The following NRG1 variants were observed in gnomAD, a reference collection of about 807,000 sequenced individuals.
NRG1 encodes pro-neuregulin-1, membrane-bound isoform.
Under a neutral mutation model 63.8 loss-of-function variants are expected in NRG1, and 18 were observed. The observed-to-expected ratio is 0.28, with a 90% CI of 0.19 to 0.42. The LOEUF (loss-of-function observed/expected upper bound fraction) is 0.42, where lower values mean the gene tolerates loss of function less well. Ranked by LOEUF, NRG1 falls within the 10% of genes least tolerant of loss-of-function variation. The probability of loss-of-function intolerance (pLI) is 1.00; values close to 1 mark genes in which losing one functional copy is unlikely to be tolerated. For synonymous variants in NRG1, 302 were observed against 301.3 expected (o/e 1.00, Z -0.02); for missense variants, 762 against 814.7 (o/e 0.94, Z 0.79).
At chr8:32,366,157 T>G (rs1248061749) in intron 1 of NRG1, among the ~76,000 whole-genome samples, 1 of 152,198 alleles carries the variant, frequency 6.6e-6, no homozygotes, top group African/African-American at 2.4e-5. Context: ...AAAATTTTTT[T>G]TAGATATCCT....
At chr8:32,427,796 A>G (rs1482521596) in intron 1 of NRG1, among the ~76,000 whole-genome samples, 1 of 152,206 alleles carries the variant, frequency 6.6e-6, no homozygotes, top group Non-Finnish European at 1.5e-5. Context: ...AAATATGCTC[A>G]GTGTCAAGGA....
At position 32,290,570 on chromosome 8, in the gene NRG1, C is replaced by T. The variant is rs77488527; in HGVS notation, c.38-305258C>T. 8.0e-3 allele frequency among the ~76,000 whole-genome samples: 1,210 copies of T among 152,110 alleles called. 14 individuals carry two copies. Among genetic ancestry groups the T allele is most frequent in the African/African-American group, 0.027 (1,130 of 41,496 alleles). On this transcript the variant is annotated intron_variant, in intron 1 of 10. Coordinates refer to the NRG1 transcript ENST00000519301. The stretch of plus-strand genomic sequence containing the variant: ...CTCCTGAATGAGAACTGGGTTCTAA[C>T]GAATGACCCTAACTGTGCCCTGTTA...
chr8:32,268,205 A>G (rs911071638), intron 1 of NRG1, among the ~76,000 whole-genome samples: 23 of 152,286 alleles, frequency 1.5e-4, no homozygotes, highest in Middle Eastern at 3.4e-3. Context: ...TTGAGCCTCA[A>G]ATGAGACTGC....
At chr8:32,550,954 C>G (rs1833990136) in intron 1 of NRG1, among the ~76,000 whole-genome samples, 1 of 152,132 alleles carries the variant, frequency 6.6e-6, no homozygotes, top group Admixed American at 6.5e-5. Context: ...GCATCTTGTG[C>G]TTTTTAAACC....
chr8:31,959,095 T>C (rs1257709472), intron 1 of NRG1, among the ~76,000 whole-genome samples: 1 of 152,204 alleles, frequency 6.6e-6, no homozygotes, highest in African/African-American at 2.4e-5. Context: ...GTGTCTGAAG[T>C]ATCTGGTACA....
intron 1 of NRG1, among the ~76,000 whole-genome samples, chr8:32,072,987 A>AGT (rs1232819819): frequency 7.5e-6 from 1 of 133,770 alleles, no homozygotes; most frequent in Non-Finnish European, 1.6e-5. Context: ...TCCTAAATAT[A>AGT]GTGTCTGGCA....
At chr8:32,019,299 C>T (rs1355604126) in intron 1 of NRG1, among the ~76,000 whole-genome samples, 2 of 152,160 alleles carry the variant, frequency 1.3e-5, no homozygotes, top group Non-Finnish European at 2.9e-5. Context: ...GGGTTTTCAC[C>T]ATGTTAGCCA....
intron 1 of NRG1, among the ~76,000 whole-genome samples, chr8:32,369,082 G>A (rs967810520): frequency 1.3e-5 from 2 of 152,190 alleles, no homozygotes; most frequent in African/African-American, 4.8e-5. Flanking sequence ...AACCGTCAGG[G>A]TTGACAGAGG....
At chr8:31,678,175 A>G (rs1177973700) in intron 1 of NRG1, among the ~76,000 whole-genome samples, 1 of 152,078 alleles carries the variant, frequency 6.6e-6, no homozygotes, top group Admixed American at 6.6e-5. Flanking sequence ...ACAGGGCAGC[A>G]TTTTCTAATA....
chr8:31,666,888 C>T (rs768501827), intron 1 of NRG1, among the ~76,000 whole-genome samples: 3 of 152,190 alleles, frequency 2.0e-5, no homozygotes, highest in African/African-American at 4.8e-5. Context: ...TGGTTTAAAA[C>T]ATTTTAGCAC....
At chr8:32,462,595 CTTTTTTTTTTT>C (rs58485445) in intron 1 of NRG1, among the ~76,000 whole-genome samples, 2 of 72,274 alleles carry the variant, frequency 2.8e-5, no homozygotes, top group Non-Finnish European at 4.9e-5. Context: ...CACACTGATT[CTTTTTTTTTTT>C]TTTTTTTTTT....
At chr8:31,986,297 G>A (rs1247790904) in intron 1 of NRG1, among the ~76,000 whole-genome samples, 1 of 152,002 alleles carries the variant, frequency 6.6e-6, no homozygotes, top group Non-Finnish European at 1.5e-5. Flanking sequence ...GCAGACAAGG[G>A]GAAGAGGAAG....
intron 1 of NRG1, among the ~76,000 whole-genome samples, chr8:31,979,680 C>T (rs1157156363): frequency 6.6e-6 from 1 of 152,032 alleles, no homozygotes; most frequent in Non-Finnish European, 1.5e-5. Flanking sequence ...TTTTAAGCAC[C>T]TTGAGGACAA....
At chr8:32,380,999 C>T (rs961001855) in intron 1 of NRG1, among the ~76,000 whole-genome samples, 37 of 152,128 alleles carry the variant, frequency 2.4e-4, no homozygotes, top group African/African-American at 8.7e-4. Context: ...CCATGTAACG[C>T]TAGATCTTAT....
chr8:31,953,714 C>A (rs1285076073), intron 1 of NRG1, among the ~76,000 whole-genome samples: 1 of 152,118 alleles, frequency 6.6e-6, no homozygotes, highest in Non-Finnish European at 1.5e-5. Context: ...GCAAATAAGG[C>A]CATTTCTGCC....
intron 1 of NRG1, among the ~76,000 whole-genome samples, chr8:31,969,659 C>T (rs1453330876): frequency 1.3e-5 from 2 of 152,164 alleles, no homozygotes; most frequent in African/African-American, 4.8e-5. Flanking sequence ...CCTTCTTGCA[C>T]AGGTCAATCC....
chr8:32,237,504 G>A lies in NRG1; in HGVS notation c.38-358324G>A, dbSNP rs148682552. 3.1e-3 allele frequency among the ~76,000 whole-genome samples: 463 copies of A among 150,728 alleles called. 2 individuals are homozygous for A. The highest frequency in any genetic ancestry group is 5.3e-3 in the Non-Finnish European group (356 of 67,730). ...TGCATTTGAGGGTTTTTTTTTCCCC[G>A]TGATTTGGTGGACTGCAAGGGCACA... On this transcript the variant is annotated intron_variant, in intron 1 of 10. Transcript: ENST00000519301.
chr8:31,882,029 C>A (rs1025081182), intron 1 of NRG1, among the ~76,000 whole-genome samples: 3 of 152,074 alleles, frequency 2.0e-5, no homozygotes, highest in Non-Finnish European at 4.4e-5. Flanking sequence ...TCAGTGTTGA[C>A]AAAAGGGTTT....
At chr8:32,587,787 C>G (rs1320193370) in intron 1 of NRG1, among the ~76,000 whole-genome samples, 1 of 152,154 alleles carries the variant, frequency 6.6e-6, no homozygotes, top group East Asian at 1.9e-4. Flanking sequence ...GACACATACA[C>G]AGTCAGGAAA....
Sources: allele counts gnomAD v4.1 joint callset (sites outside exome capture counted in the v4.1 genomes callset), GRCh38; gene constraint gnomAD v4.1.1; transcripts MANE v1.5; gene names NCBI Gene and HGNC (gene_info 2026-07-23, HGNC 2026-07-21).